The following HSD17B12 variants were observed in gnomAD, a reference collection of about 807,000 sequenced individuals.
HSD17B12 encodes the protein hydroxysteroid 17-beta dehydrogenase 12.
A neutral mutation model predicts 39.3 loss-of-function variants in HSD17B12; 32 were observed. The observed-to-expected ratio is 0.81, with a 90% CI of 0.61 to 1.09. The LOEUF is 1.09. HSD17B12 is among the 50% of genes least tolerant of loss of function. The pLI is 0.00. For missense variants in HSD17B12, 342 were observed against 382.9 expected (o/e 0.89, Z 0.89); for synonymous variants, 150 against 146.7 (o/e 1.02, Z -0.16).
chr11:43,785,591 G>A (rs914860972), intron 3 of HSD17B12, among the ~76,000 whole-genome samples: 3 of 152,182 alleles, frequency 2.0e-5, no homozygotes, highest in African/African-American at 4.8e-5. Context: ...TTTGGTTGAA[G>A]TAGAAGGAAA....
At chr11:43,850,181 C>T (rs1951516871) in intron 9 of HSD17B12, among the ~76,000 whole-genome samples, 1 of 152,100 alleles carries the variant, frequency 6.6e-6, no homozygotes, top group Non-Finnish European at 1.5e-5. Flanking sequence ...AGGGTTTCTG[C>T]CAAGTAGATA....
intron 3 of HSD17B12, among the ~76,000 whole-genome samples, chr11:43,771,802 C>T (rs1950653188): frequency 6.6e-6 from 1 of 151,962 alleles, no homozygotes; most frequent in Non-Finnish European, 1.5e-5. Context: ...ATGTATAAAG[C>T]ATTGCTGTTT....
the HSD17B12 span, among the ~76,000 whole-genome samples, chr11:43,617,538 G>T: frequency 6.6e-6 from 1 of 152,240 alleles, no homozygotes; most frequent in African/African-American, 2.4e-5. Flanking sequence ...GCAGATTGCA[G>T]GCTATTATTA....
chr11:43,690,389 TA>T (rs1464039992), intron 1 of HSD17B12, among the ~76,000 whole-genome samples: 3,129 of 26,368 alleles, frequency 0.12, 594 homozygotes, highest in Non-Finnish European at 0.16. Flanking sequence ...TATATATATA[TA>T]TATATATATA....
At chr11:43,643,873 A>G in the HSD17B12 span, among the ~76,000 whole-genome samples, 2 of 152,204 alleles carry the variant, frequency 1.3e-5, no homozygotes, top group Non-Finnish European at 2.9e-5. Context: ...GGAAAATGAT[A>G]AAGTCGAAGG....
chr11:43,614,698 T>G, the HSD17B12 span, among the ~76,000 whole-genome samples: 11 of 152,282 alleles, frequency 7.2e-5, no homozygotes, highest in East Asian at 1.7e-3. Context: ...TTTAACTTTC[T>G]GTGCTTTATT....
At chr11:43,820,701 T>C (rs1016913125) in intron 6 of HSD17B12, among the ~76,000 whole-genome samples, 2 of 152,228 alleles carry the variant, frequency 1.3e-5, no homozygotes, top group African/African-American at 4.8e-5. Context: ...GGCCAAGTTT[T>C]ATCTCCTCAC....
chr11:43,785,688 C>G (rs1950809614), intron 3 of HSD17B12, among the ~76,000 whole-genome samples: 3 of 152,152 alleles, frequency 2.0e-5, no homozygotes, highest in Admixed American at 2.0e-4. Context: ...TTTGGTCCAT[C>G]AAAACATTCT....
At chr11:43,575,758 C>A in the HSD17B12 span, among the ~76,000 whole-genome samples, 3 of 152,234 alleles carry the variant, frequency 2.0e-5, no homozygotes, top group Non-Finnish European at 4.4e-5. This position sits in a 1 kb window ranked among gnomAD's most constrained non-coding sequence, Gnocchi z 4.1. Flanking sequence ...CGCAGGCTGG[C>A]AAAGGAGACT....
chr11:43,623,449 A>G, the HSD17B12 span, among the ~76,000 whole-genome samples: 903 of 151,062 alleles, frequency 6.0e-3, 7 homozygotes, highest in African/African-American at 0.021. Flanking sequence ...ATAATCTGGG[A>G]TTTTTTGTCT....
chr11:43,837,290 G>A (rs2135124574), intron 7 of HSD17B12, among the ~76,000 whole-genome samples: 1 of 152,180 alleles, frequency 6.6e-6, no homozygotes, highest in South Asian at 2.1e-4. Flanking sequence ...AATAGGTGTT[G>A]GGAAGTAAAT....
chr11:43,643,842 A>C, the HSD17B12 span, among the ~76,000 whole-genome samples: 1 of 152,244 alleles, frequency 6.6e-6, no homozygotes, highest in African/African-American at 2.4e-5. Flanking sequence ...TCTCTGGAGT[A>C]TAATAACTTA....
chr11:43,793,330 A>C (rs1231734543), intron 3 of HSD17B12, among the ~76,000 whole-genome samples: 1 of 152,192 alleles, frequency 6.6e-6, no homozygotes, highest in Non-Finnish European at 1.5e-5. Flanking sequence ...CAGGCTGTTT[A>C]TTTGGAGCAG....
At chr11:43,688,473 T>C (rs1243786029) in intron 1 of HSD17B12, among the ~76,000 whole-genome samples, 2 of 152,166 alleles carry the variant, frequency 1.3e-5, no homozygotes, top group African/African-American at 4.8e-5. Context: ...GCCACAAATC[T>C]GTATCAGAAA....
intron 6 of HSD17B12, among the ~76,000 whole-genome samples, chr11:43,816,767 T>G (rs10838180): frequency 1.5e-4 from 23 of 151,544 alleles, no homozygotes; most frequent in African/African-American, 5.6e-4. Flanking sequence ...TCCCTTACCC[T>G]CTTCCACCCT....
chr11:43,583,301 G>A, the HSD17B12 span, among the ~76,000 whole-genome samples: 1 of 152,208 alleles, frequency 6.6e-6, no homozygotes. Context: ...AAGGAGCAAC[G>A]GCCGAACCCG....
the HSD17B12 span, among the ~76,000 whole-genome samples, chr11:43,664,965 G>A: frequency 1.3e-5 from 2 of 152,170 alleles, no homozygotes; most frequent in Non-Finnish European, 2.9e-5. Flanking sequence ...TTATTTATGA[G>A]GATCCTGTGA....
chr11:43,558,941 G>A, the HSD17B12 span, among the ~76,000 whole-genome samples: 2 of 152,124 alleles, frequency 1.3e-5, no homozygotes, highest in South Asian at 4.2e-4. Flanking sequence ...GTGAAATGTT[G>A]GTATAGACTG....
chr11:43,618,416 T>G, the HSD17B12 span, among the ~76,000 whole-genome samples: 1 of 152,232 alleles, frequency 6.6e-6, no homozygotes, highest in Non-Finnish European at 1.5e-5. Context: ...GCTTGACAAC[T>G]TACGCCTTCT....
Sources: allele counts gnomAD v4.1 joint callset (sites outside exome capture counted in the v4.1 genomes callset), GRCh38; gene constraint gnomAD v4.1.1; non-coding constraint Gnocchi (gnomAD v3.1); transcripts MANE v1.5; gene names NCBI Gene and HGNC (gene_info 2026-07-23, HGNC 2026-07-21).